STAG3: variants seen among roughly 807,000 people sequenced by gnomAD.
STAG3 encodes STAG3 cohesin complex component.
A neutral mutation model predicts 160.7 loss-of-function variants in STAG3; 101 were observed. That is an observed-to-expected ratio of 0.63 (90% CI 0.54 to 0.74). The LOEUF (loss-of-function observed/expected upper bound fraction) is 0.74. Among genes scored for constraint, STAG3 ranks in the 30% least tolerant of loss-of-function variants. STAG3 has a pLI of 0.00. For synonymous variants in STAG3, 519 were observed against 585.0 expected (o/e 0.89, Z 1.63); for missense variants, 1,188 against 1,517.4 (o/e 0.78, Z 3.61).
At chr7:100,206,181 AT>A (rs1232745184) in intron 29 of STAG3, among the ~76,000 whole-genome samples, 2 of 150,902 alleles carry the variant, frequency 1.3e-5, no homozygotes, top group Non-Finnish European at 1.5e-5. Context: ...CGCCTGGCTA[AT>A]TTTTTTTGAA....
At position 100,213,771 on chromosome 7, in the gene STAG3, C is replaced by G. The variant is rs774297890; in HGVS notation, c.3637C>G (p.Leu1213Val). The G allele has an allele frequency of 6.2e-7, 1 of 1,614,250 alleles. No individual in the cohort carries two copies. The highest frequency in any genetic ancestry group is 8.5e-7 in the Non-Finnish European group (1 of 1,180,044). ...SSYSSTSERG[L>V]DLLDSTELDI... ...CTACTCTTCCACCAGTGAGCGCGGGCTGGACCTCTTAGATTCTACAGAGCT... is the reference window on the plus strand; with the variant it reads ...CTACTCTTCCACCAGTGAGCGCGGGGTGGACCTCTTAGATTCTACAGAGCT... The change falls in exon 33 of 34, where the codon CTG (leucine) becomes GTG (valine). Residue 1213 changes from leucine to valine, a missense_variant. Transcript: ENST00000615138.
At chr7:100,218,315 A>C (rs1261970407), downstream of STAG3, 2 of 168,446 alleles carry the variant, frequency 1.2e-5, no homozygotes, top group African/African-American at 2.4e-5. Flanking sequence ...CTATAAACTA[A>C]TGATTAGTAA....
chr7:100,181,537 C>T (rs1799642490), intron 2 of STAG3: 1 of 152,282 alleles, frequency 6.6e-6, no homozygotes, highest in African/African-American at 2.4e-5. Context: ...TCGCTACCTG[C>T]TAAGTGAGTA....
Position 100,189,465 on chromosome 7 carries a change from C to G in STAG3, c.736C>G (p.Leu246Val), listed in dbSNP as rs766509647. ...CAAAGCTATGAAACTGATGACCTCC[C>G]TGGTAAAAGTTGCCCTCCAACTGAG... The part of the protein sequence containing the change: ...TLAAMKLMTS[L>V]VKVALQLSVH... Residue 246 changes from leucine to valine, a missense_variant, in exon 8 of 34, where the codon CTG becomes GTG. Physicochemically the swap from Leu to Val is conservative, Grantham distance 32 (BLOSUM62 1). This residue lies in a region of STAG3 where 296 missense variants were observed against 404.0 expected (regional missense o/e 0.73). Transcript: ENST00000615138. 1.4e-5 allele frequency: 22 copies of G among 1,613,466 alleles called. No homozygotes were observed. The highest frequency in any genetic ancestry group is 2.7e-5 in the African/African-American group (2 of 74,826).
At chr7:100,218,719 G>T (rs763900871), downstream of STAG3, 2 of 337,036 alleles carry the variant, frequency 5.9e-6, no homozygotes, top group African/African-American at 4.2e-5. Flanking sequence ...GTGCTTGGAT[G>T]ATGGGGTGTG....
downstream of STAG3, among the ~76,000 whole-genome samples, chr7:100,214,547 T>A (rs187049418): frequency 1.6e-3 from 237 of 151,854 alleles, 1 homozygote; most frequent in African/African-American, 5.4e-3. Context: ...GGTGAGGCAG[T>A]AGAGATGGGG....
chr7:100,184,533 T>A (rs1271149962), intron 4 of STAG3, among the ~76,000 whole-genome samples: 2 of 142,152 alleles, frequency 1.4e-5, no homozygotes, highest in Non-Finnish European at 3.0e-5. Context: ...AGTGACGTGA[T>A]CTTGGCTCAC....
chr7:100,196,607 C>T (rs1584705917), intron 9 of STAG3, among the ~76,000 whole-genome samples: 1 of 152,198 alleles, frequency 6.6e-6, no homozygotes, highest in African/African-American at 2.4e-5. Context: ...GCCTGGCCAA[C>T]ATGGCAAAAC....
In STAG3 at chr7:100,200,803, T is replaced by A; in HGVS notation, c.1895T>A (p.Val632Glu). Residue 632 changes from valine (V) to glutamate (E), a missense_variant, in exon 19 of 34, where the codon GTG becomes GAG. Val to Glu is a moderately radical substitution (Grantham distance 121). Transcript: ENST00000615138. The part of the protein sequence containing the change: ...LELFLQQLQE[V>E]VVKHAEPAVL... ...CTGTTCCTGCAGCAACTCCAGGAGG[T>A]GGTGGTGAAGCATGCAGAGCCAGCG... 1.9e-6 allele frequency: 3 copies of A among 1,614,100 alleles called. No homozygotes were observed. Among genetic ancestry groups the A allele is most frequent in the Non-Finnish European group, 2.5e-6 (3 of 1,180,008 alleles).
intron 29 of STAG3, among the ~76,000 whole-genome samples, chr7:100,208,012 A>T (rs998446180): frequency 3.3e-5 from 5 of 152,102 alleles, no homozygotes; most frequent in Admixed American, 6.6e-5. Flanking sequence ...GCCACTCGGG[A>T]GGCTGAGGCA....
Position 100,211,816 on chromosome 7 carries a change from C to T in STAG3, c.3540C>T (p.Asp1180=), listed in dbSNP as rs773313784. ...QLMRLSLMEE[D]EEEELEIQDE... ...TCAGACTCAGCCTTATGGAAGAGGA[C>T]GAGGAAGAAGAGTTAGAAATCCAGG... Residue 1180 remains aspartate (D), a synonymous_variant, in exon 32 of 34, where the codon GAC becomes GAT. Coordinates refer to ENST00000615138, the MANE Select transcript of STAG3 (RefSeq NM_001282717.2). 44 of 1,613,850 alleles carry T rather than the reference C, an allele frequency of 2.7e-5. No homozygotes were observed. Among genetic ancestry groups the T allele is most frequent in the East Asian group, 6.7e-5 (3 of 44,882 alleles).
rs1222877194 is a variant in STAG3, at chr7:100,213,808, TGAGTGTCCCCAGAGCAG to T, written c.3672+7_3672+23del. 22 of 1,614,032 alleles carry T rather than the reference TGAGTGTCCCCAGAGCAG, an allele frequency of 1.4e-5. No individual in the cohort carries two copies. The highest frequency in any genetic ancestry group is 1.8e-5 in the Non-Finnish European group (21 of 1,180,030). ...GATTCTACAGAGCTGGATATTGAGG[TGAGTGTCCCCAGAGCAG>T]GAGTTATGTATCCTTCGGAAATGCT... On this transcript the variant is annotated splice_donor_5th_base_variant and intron_variant, in intron 33 of 33. Coordinates refer to ENST00000615138, the MANE Select transcript of STAG3 (RefSeq NM_001282717.2).
chr7:100,189,350 T>A, intron 7 of STAG3, 95 bp from the exon 8 acceptor site: 23 of 1,377,410 alleles, frequency 1.7e-5, no homozygotes, highest in Non-Finnish European at 2.3e-5. Context: ...CGTCTCATTT[T>A]CATTGCCCTT....
At chr7:100,197,972 C>T in intron 11 of STAG3, 96 bp downstream of exon 11, 2 of 1,501,254 alleles carry the variant, frequency 1.3e-6, no homozygotes, top group South Asian at 2.3e-5. Context: ...GATGTCTTGG[C>T]TATCCCAGCA....
At chr7:100,186,856 G>C (rs1008896447) in intron 5 of STAG3, among the ~76,000 whole-genome samples, 1 of 151,442 alleles carries the variant, frequency 6.6e-6, no homozygotes, top group African/African-American at 2.5e-5. Context: ...CTTTCTGGAT[G>C]CAATAATGTT....
chr7:100,201,858 G>A lies in STAG3; in HGVS notation c.2293G>A (p.Ala765Thr). ...WTLTHISKSD[A>T]SQKQLSSLRD... ...ACTAACCCACATTTCTAAATCAGAT[G>A]CTTCCCAGGTGAGTGTGGGTCTTAG... is the stretch of plus-strand genomic sequence containing the variant. The change falls in exon 22 of 34, where the codon GCT becomes ACT. Residue 765 changes from alanine to threonine, a missense_variant. Around this residue, in one of 4 missense-constraint regions of STAG3, gnomAD observed 647 missense variants for 717.2 expected, o/e 0.90. Coordinates refer to ENST00000615138, the MANE Select transcript of STAG3 (RefSeq NM_001282717.2). 1 of 1,614,092 alleles carries A rather than the reference G, an allele frequency of 6.2e-7. No homozygotes were observed. The highest frequency in any genetic ancestry group is 8.5e-7 in the Non-Finnish European group (1 of 1,179,998).
chr7:100,180,838 G>A, intron 2 of STAG3, 166 bp downstream of exon 2: 1 of 569,810 alleles, frequency 1.8e-6, no homozygotes, highest in Non-Finnish European at 3.2e-6. Flanking sequence ...GTTTTTTTTG[G>A]CGGTCCTAGA....
At chr7:100,193,943 T>TC (rs1315889780) in intron 8 of STAG3, among the ~76,000 whole-genome samples, 1 of 150,102 alleles carries the variant, frequency 6.7e-6, no homozygotes, top group East Asian at 2.0e-4. Flanking sequence ...TCATTTCTTT[T>TC]TTTTTTTTTT....
chr7:100,216,938 A>G (rs536122901), downstream of STAG3, among the ~76,000 whole-genome samples: 18 of 152,244 alleles, frequency 1.2e-4, no homozygotes, highest in African/African-American at 3.6e-4. Flanking sequence ...AGACTTGTGA[A>G]CAGGTCAGAG....
Sources: allele counts gnomAD v4.1 joint callset (sites outside exome capture counted in the v4.1 genomes callset), GRCh38; gene constraint gnomAD v4.1.1; regional missense constraint gnomAD v4.1.1; transcripts MANE v1.5; gene names NCBI Gene and HGNC (gene_info 2026-07-23, HGNC 2026-07-21).